The following LENG1 variants were observed in gnomAD, a reference collection of about 807,000 sequenced individuals.
LENG1 encodes leukocyte receptor cluster member 1.
LENG1 carries 35 observed loss-of-function variants against 28.8 expected under a neutral mutation model. The observed-to-expected ratio is 1.22, with a 90% CI of 0.93 to 1.61. The LOEUF (loss-of-function observed/expected upper bound fraction) is 1.61. Ranked by LOEUF, LENG1 falls within the 40% of genes most tolerant of loss-of-function variation. The pLI is 0.00. For synonymous variants in LENG1, 170 were observed against 140.6 expected, an observed-to-expected ratio of 1.21 and a Z score of -1.48; for missense variants, 404 against 348.9, an observed-to-expected ratio of 1.16 and a Z score of -1.26.
At position 54,159,282 on chromosome 19, in the gene LENG1, C is replaced by T. The variant is rs375505912; in HGVS notation, c.132+282G>A. On this transcript the variant is annotated intron_variant, in intron 1 of 3. Transcript: ENST00000222224. ...TTTCCTTGAACTGTCCAAGGGTTCA[C>T]GGATTCATTAAATGTTAAGCTTCTC... Among the ~76,000 whole-genome samples the T allele has an allele frequency of 2.7e-4, 41 of 152,344 alleles. No homozygotes were observed. The East Asian group carries it at 3.3e-3, about 12-fold the overall frequency.
rs1426361630 is a variant in LENG1, at chr19:54,155,947, G to T, written c.576-7C>A. The T allele has an allele frequency of 6.2e-7, 1 of 1,600,798 alleles. No homozygotes were observed. Among genetic ancestry groups the T allele is most frequent in the African/African-American group, 1.3e-5 (1 of 74,902 alleles). The stretch of plus-strand genomic sequence containing the variant: ...CTGGTCCAGGGATGGAGGCCTGTGG[G>T]GAGAGGAGTGAGGTCAGAAAGCTGG... On this transcript the variant is annotated splice_polypyrimidine_tract_variant and splice_region_variant and intron_variant, in intron 3 of 3. Coordinates refer to ENST00000222224, the MANE Select transcript of LENG1 (RefSeq NM_024316.3).
intron 2 of LENG1, among the ~76,000 whole-genome samples, chr19:54,157,378 C>CT (rs781143232): frequency 3.1e-4 from 47 of 152,122 alleles, no homozygotes; most frequent in Middle Eastern, 3.4e-3. Context: ...TGATGTACCT[C>CT]TTTTTTTTGA....
intron 3 of LENG1, 74 bp from the exon 4 acceptor site, chr19:54,156,014 G>C (rs1350799732): frequency 7.3e-7 from 1 of 1,361,788 alleles, no homozygotes; most frequent in African/African-American, 1.4e-5. Flanking sequence ...CCCATAGAGG[G>C]AGCTGCCGCC....
chr19:54,155,613 G>A lies in LENG1; in HGVS notation c.*108C>T. ...GGGCTGCCCCCTCCTCCCCTCCCCAGTGAGGGACATTTTTTGGTAAACCTA... is the reference window on the plus strand; with the variant it reads ...GGGCTGCCCCCTCCTCCCCTCCCCAATGAGGGACATTTTTTGGTAAACCTA... On this transcript the variant is annotated 3_prime_UTR_variant, in exon 4 of 4. Transcript: ENST00000222224. 2.4e-6 allele frequency: 3 copies of A among 1,237,844 alleles called. No homozygotes were observed. The highest frequency in any genetic ancestry group is 2.2e-6 in the Non-Finnish European group (2 of 892,944). The allele number at this position is 1,237,844 out of a possible 1,614,324, so 76.7% of individuals were successfully genotyped here. A position where few individuals can be genotyped will look rare whatever the true frequency, so the allele number is the denominator to read the frequency against.
chr19:54,159,466 GGCACATTGA>G, intron 1 of LENG1, 89 bp downstream of exon 1: 3 of 1,276,066 alleles, frequency 2.4e-6, no homozygotes, highest in Non-Finnish European at 3.1e-6. Context: ...TTTCACACGG[GGCACATTGA>G]GCCTGCGCAA....
chr19:54,157,066 T>C, intron 2 of LENG1, 41 bp from the exon 3 acceptor site: 1 of 1,476,764 alleles, frequency 6.8e-7, no homozygotes, highest in East Asian at 2.4e-5. Flanking sequence ...ATATAATCTT[T>C]CAAGGTGTCA....
At chr19:54,157,655 C>T (rs1257566661) in intron 2 of LENG1, among the ~76,000 whole-genome samples, 1 of 152,066 alleles carries the variant, frequency 6.6e-6, no homozygotes, top group Non-Finnish European at 1.5e-5. Flanking sequence ...CAGGCGTGAG[C>T]CACCATGCAC....
At chr19:54,157,078 G>C in intron 2 of LENG1, 53 bp from the exon 3 acceptor site, 3 of 1,429,608 alleles carry the variant, frequency 2.1e-6, no homozygotes, top group East Asian at 2.4e-5. Context: ...AAGGTGTCAG[G>C]TGTGTCTCCC....
In LENG1 at chr19:54,155,790, C is replaced by G. The variant is rs1245046803; in HGVS notation, c.726G>C (p.Arg242=). Residue 242 remains arginine (R), a synonymous_variant, in exon 4 of 4, where the codon CGG becomes CGC. Coordinates refer to ENST00000222224, the MANE Select transcript of LENG1 (RefSeq NM_024316.3). ...EEDETDDRRR[R]YNSQFNPQLA... ...GCTGGGGGTTGAATTGGGAGTTGTA[C>G]CGCCGCCGCCGGTCATCCGTCTCGT... 3.1e-6 allele frequency: 5 copies of G among 1,610,812 alleles called. No individual in the cohort carries two copies. In the Admixed American group the frequency reaches 5.0e-5, roughly 16 times the overall value.
At position 54,155,649 on chromosome 19, in the gene LENG1, G is replaced by T; in HGVS notation, c.*72C>A. On this transcript the variant is annotated 3_prime_UTR_variant, in exon 4 of 4. Transcript: ENST00000222224. ...TTTTTGGTAAACCTATTTTCATTTT[G>T]GAAAATATTTATGAATAAATAGTTT... 1 of 1,389,932 alleles carries T rather than the reference G, an allele frequency of 7.2e-7. No individual in the cohort carries two copies. The highest frequency in any genetic ancestry group is 9.8e-7 in the Non-Finnish European group (1 of 1,023,476). 86.1% of individuals were successfully genotyped at this position (1,389,932 alleles called of 1,614,324 possible).
chr19:54,157,829 AT>A (rs2075423542), intron 2 of LENG1, among the ~76,000 whole-genome samples: 1 of 151,440 alleles, frequency 6.6e-6, no homozygotes, highest in Non-Finnish European at 1.5e-5. Context: ...GGGTCAAGCG[AT>A]TCTCCTGCTT....
intron 2 of LENG1, 91 bp from the exon 3 acceptor site, chr19:54,157,116 T>A: frequency 2.8e-6 from 3 of 1,088,032 alleles, no homozygotes; most frequent in Non-Finnish European, 3.8e-6. Context: ...CGAACAGGTA[T>A]CTAAGGCTTG....
rs201137638 is a variant in LENG1, at chr19:54,156,911, C to T, written c.427G>A (p.Gly143Ser). The T allele has an allele frequency of 9.6e-4, 751 of 784,042 alleles. 2 individuals are homozygous for T. The highest frequency in any genetic ancestry group is 1.3e-3 in the Non-Finnish European group (631 of 475,612). 48.6% of individuals were successfully genotyped at this position (784,042 alleles called of 1,614,324 possible). The part of the protein sequence containing the change: ...LPPGRGGPPP[G>S]PAPDEKIKSR... ...TTGATCTTCTCATCTGGGGCTGGGC[C>T]GGGCGGGGGGCCCCCTCGCCCTGGG... is the stretch of plus-strand genomic sequence containing the variant. Residue 143 changes from glycine (G) to serine (S), a missense_variant, in exon 3 of 4, where the codon GGC becomes AGC. By Grantham distance (56) the Gly-to-Ser change is moderately conservative (BLOSUM62 0). Transcript: ENST00000222224.
Position 54,158,137 on chromosome 19 carries a change from C to T in LENG1, c.312+145G>A. 5 of 797,270 alleles carry T rather than the reference C, an allele frequency of 6.3e-6. 1 individual carries two copies. The highest frequency in any genetic ancestry group is 4.9e-5 in the East Asian group (2 of 40,622). 49.4% of individuals were successfully genotyped at this position (797,270 alleles called of 1,614,324 possible). A position where few individuals can be genotyped will look rare whatever the true frequency, so the allele number is the denominator to read the frequency against. The stretch of plus-strand genomic sequence containing the variant: ...TGGGCGCCCAGACGGCAATAGCCAA[C>T]GCTTTTTGAGTGTCATGCCTTGGTA... On this transcript the variant is annotated intron_variant, in intron 2 of 3. Coordinates refer to ENST00000222224, the MANE Select transcript of LENG1 (RefSeq NM_024316.3).
rs747662030 is a variant in LENG1, at chr19:54,159,591, C to T, written c.105G>A (p.Glu35=). ...CTTGCTGAGCCAGCAGCACCCTCCGCTCACGCTCCTTCTCCTCCTCCCGGG... is the reference window on the plus strand; with the variant it reads ...CTTGCTGAGCCAGCAGCACCCTCCGTTCACGCTCCTTCTCCTCCTCCCGGG... ...AQAREEEKER[E]RRVLLAQQEA... is the part of the protein sequence containing the mutation. Residue 35 remains glutamate (E), a synonymous_variant, in exon 1 of 4, where the codon GAG becomes GAA. Transcript: ENST00000222224. 5 of 1,598,500 alleles carry T rather than the reference C, an allele frequency of 3.1e-6. No individual in the cohort carries two copies. Among genetic ancestry groups the T allele is most frequent in the African/African-American group, 1.3e-5 (1 of 74,858 alleles).
Position 54,155,284 on chromosome 19 carries a change from A to C in LENG1, c.*437T>G. 1 of 1,611,710 alleles carries C rather than the reference A, an allele frequency of 6.2e-7. No homozygotes were observed. Among genetic ancestry groups the C allele is most frequent in the Non-Finnish European group, 8.5e-7 (1 of 1,179,328 alleles). On this transcript the variant is annotated 3_prime_UTR_variant, in exon 4 of 4. Transcript: ENST00000222224. ...TCCCAGACCACCTCCTCGTCCACTC[A>C]CTGACCGCCTTCTCCCCCGGCCAGG...
chr19:54,157,045 C>A lies in LENG1; in HGVS notation c.313-20G>T, dbSNP rs529236466. The stretch of plus-strand genomic sequence containing the variant: ...CCTCTCCTGAGGGGGCCAGGAAATA[C>A]AAGAGATGTGATATAATCTTTCAAG... On this transcript the variant is annotated intron_variant, in intron 2 of 3. Transcript: ENST00000222224. The A allele has an allele frequency of 2.5e-5, 37 of 1,509,058 alleles. No homozygotes were observed. The highest frequency in any genetic ancestry group is 3.2e-5 in the Non-Finnish European group (36 of 1,128,912). The allele number at this position is 1,509,058 out of a possible 1,614,324, so 93.5% of individuals were successfully genotyped here.
intron 2 of LENG1, among the ~76,000 whole-genome samples, chr19:54,157,937 T>TGACCTCAGGTGATCCACC (rs2075425536): frequency 6.6e-6 from 1 of 152,192 alleles, no homozygotes; most frequent in South Asian, 2.1e-4. Context: ...CTTGAACTCC[T>TGACCTCAGGTGATCCACC]GACCTCAGGT....
chr19:54,155,992 C>T (rs2075377847), intron 3 of LENG1, 52 bp from the exon 4 acceptor site: 3 of 1,487,926 alleles, frequency 2.0e-6, no homozygotes, highest in African/African-American at 1.4e-5. Context: ...GGAGGCCATT[C>T]CCCCAACCTC....
Sources: allele counts gnomAD v4.1 joint callset (sites outside exome capture counted in the v4.1 genomes callset), GRCh38; gene constraint gnomAD v4.1.1; transcripts MANE v1.5; gene names NCBI Gene and HGNC (gene_info 2026-07-23, HGNC 2026-07-21).